CMC1: variants seen among roughly 807,000 people sequenced by gnomAD.
The protein encoded by CMC1 is COX assembly mitochondrial protein homolog.
In CMC1, 14 loss-of-function variants were observed where a neutral mutation model predicts 14.1. The observed-to-expected ratio is 0.99, with a 90% CI of 0.66 to 1.55. The LOEUF (loss-of-function observed/expected upper bound fraction) is 1.55. Among genes scored for constraint, CMC1 ranks in the 40% most tolerant of loss-of-function variants. The pLI, the probability that CMC1 is intolerant of heterozygous loss-of-function variation, is 0.00. For missense variants in CMC1, 127 were observed against 123.8 expected (o/e 1.03, Z -0.12); for synonymous variants, 50 against 38.4 (o/e 1.30, Z -1.12).
At chr3:28,305,655 A>G (rs1392919133) in intron 2 of CMC1, among the ~76,000 whole-genome samples, 2 of 151,908 alleles carry the variant, frequency 1.3e-5, no homozygotes, top group East Asian at 1.9e-4. Flanking sequence ...TTTCTTTTGC[A>G]GGGCAGAAGC....
intron 1 of CMC1, among the ~76,000 whole-genome samples, chr3:28,250,134 T>G (rs758511446): frequency 6.6e-6 from 1 of 152,148 alleles, no homozygotes; most frequent in East Asian, 1.9e-4. Context: ...ATTCAACATA[T>G]GAATTTGGAG....
rs1703110577 is a variant in CMC1, at chr3:28,319,489, T to C, written c.201-20T>C. 1.3e-6 allele frequency: 2 copies of C among 1,574,746 alleles called. No homozygotes were observed. Among genetic ancestry groups the C allele is most frequent in the Admixed American group, 1.8e-5 (1 of 56,772 alleles). Reference sequence around the variant, plus strand: ...ATGCAGGATTATTTACTTGAAAATATTTTCATTTCCTTCTCATAGCTATAA... The same window carrying C: ...ATGCAGGATTATTTACTTGAAAATACTTTCATTTCCTTCTCATAGCTATAA... On this transcript the variant is annotated intron_variant, in intron 3 of 3. Coordinates refer to ENST00000466830, the MANE Select transcript of CMC1 (RefSeq NM_182523.2).
chr3:28,245,068 G>A (rs1282311668), intron 1 of CMC1, among the ~76,000 whole-genome samples: 1 of 151,726 alleles, frequency 6.6e-6, no homozygotes, highest in Non-Finnish European at 1.5e-5. Flanking sequence ...TATTGAGTAA[G>A]TGAATAATAG....
At chr3:28,273,133 C>T (rs1700383830) in intron 2 of CMC1, among the ~76,000 whole-genome samples, 1 of 152,172 alleles carries the variant, frequency 6.6e-6, no homozygotes, top group Admixed American at 6.5e-5. Flanking sequence ...TAGAATTCAG[C>T]TCTAAAACCG....
intron 1 of CMC1, among the ~76,000 whole-genome samples, chr3:28,250,400 A>G (rs1699073476): frequency 6.6e-6 from 1 of 152,202 alleles, no homozygotes; most frequent in South Asian, 2.1e-4. Context: ...GAAGATGGAA[A>G]ATAAAGACTG....
intron 2 of CMC1, among the ~76,000 whole-genome samples, chr3:28,290,081 G>A (rs1408684803): frequency 6.6e-6 from 1 of 152,042 alleles, no homozygotes; most frequent in African/African-American, 2.4e-5. Context: ...GAACAGTATT[G>A]AGTGATTCCC....
At chr3:28,256,415 A>G (rs979720231) in intron 1 of CMC1, among the ~76,000 whole-genome samples, 7 of 152,126 alleles carry the variant, frequency 4.6e-5, no homozygotes, top group African/African-American at 1.4e-4. Context: ...AACTGATTGT[A>G]TTAGACCCAC....
intron 3 of CMC1, chr3:28,318,171 CCTCT>C (rs1489526855): frequency 6.6e-6 from 1 of 151,618 alleles, no homozygotes; most frequent in Non-Finnish European, 1.5e-5. Flanking sequence ...TAACTGCTAT[CCTCT>C]CTCATTTTGA....
chr3:28,314,154 C>T (rs1702773947), intron 2 of CMC1, among the ~76,000 whole-genome samples: 1 of 152,112 alleles, frequency 6.6e-6, no homozygotes, highest in Non-Finnish European at 1.5e-5. Context: ...GAGGATTGCC[C>T]ATGTCTTTTT....
intron 2 of CMC1, among the ~76,000 whole-genome samples, chr3:28,267,683 C>T (rs74865629): frequency 0.032 from 4,866 of 152,240 alleles, 114 homozygotes; most frequent in Non-Finnish European, 0.048. Flanking sequence ...TGATAAAATG[C>T]GCTCTTCTGT....
chr3:28,321,607 A>G lies in CMC1; in HGVS notation c.*1978A>G, dbSNP rs1703191225. The G allele has an allele frequency of 6.6e-6, 1 of 151,268 alleles. No homozygotes were observed. Among genetic ancestry groups the G allele is most frequent in the South Asian group, 2.1e-4 (1 of 4,822 alleles). The allele number at this position is 151,268 out of a possible 1,614,324, so 9.4% of individuals were successfully genotyped here. On this transcript the variant is annotated 3_prime_UTR_variant, in exon 4 of 4. Coordinates refer to ENST00000466830, the MANE Select transcript of CMC1 (RefSeq NM_182523.2). ...TATTATTCCCTGTTAATATGTGGTA[A>G]CCCACAGGTTTTTTACCCCTTAAGA...
chr3:28,264,840 C>T (rs1220405609), intron 2 of CMC1, among the ~76,000 whole-genome samples: 3 of 152,114 alleles, frequency 2.0e-5, no homozygotes, highest in African/African-American at 7.2e-5. Flanking sequence ...TGTGTGCTGT[C>T]ATGTAGCATA....
chr3:28,255,755 G>A (rs554861796), intron 1 of CMC1, among the ~76,000 whole-genome samples: 60 of 99,380 alleles, frequency 6.0e-4, no homozygotes, highest in East Asian at 4.2e-3. Flanking sequence ...ACACACACAC[G>A]CGACAGAGAT....
At chr3:28,246,224 A>T (rs1347697061) in intron 1 of CMC1, among the ~76,000 whole-genome samples, 5 of 152,208 alleles carry the variant, frequency 3.3e-5, no homozygotes, top group African/African-American at 1.2e-4. Context: ...TTGTATATTT[A>T]TAAATTAAAA....
intron 2 of CMC1, among the ~76,000 whole-genome samples, chr3:28,289,054 T>C (rs902618263): frequency 6.6e-6 from 1 of 151,632 alleles, no homozygotes; most frequent in African/African-American, 2.4e-5. Flanking sequence ...ATTTTCTTTT[T>C]ATTTTTTTGA....
chr3:28,263,091 C>T (rs988803773), intron 1 of CMC1, 200 bp from the exon 2 acceptor site: 71 of 490,792 alleles, frequency 1.4e-4, no homozygotes, highest in South Asian at 1.2e-3. Flanking sequence ...GCTTGTATTC[C>T]TCACATTTTT....
chr3:28,256,295 A>G (rs1436649423), intron 1 of CMC1, among the ~76,000 whole-genome samples: 1 of 152,108 alleles, frequency 6.6e-6, no homozygotes, highest in Non-Finnish European at 1.5e-5. Context: ...TGAAATGCAC[A>G]GGGCAGGCTG....
At chr3:28,296,301 G>A (rs1456204868) in intron 2 of CMC1, among the ~76,000 whole-genome samples, 1 of 151,888 alleles carries the variant, frequency 6.6e-6, no homozygotes, top group Non-Finnish European at 1.5e-5. Flanking sequence ...ATAACTTCCT[G>A]TTTGACATTA....
intron 1 of CMC1, among the ~76,000 whole-genome samples, chr3:28,257,982 ATT>A (rs1036643575): frequency 2.0e-5 from 3 of 150,104 alleles, no homozygotes. Flanking sequence ...ATTATTTTTA[ATT>A]TTAGTCATTC....
Sources: gnomAD v4.1 joint callset for allele counts (sites outside exome capture counted in the v4.1 genomes callset) on GRCh38, gnomAD v4.1.1 for gene constraint, MANE v1.5 for transcripts, NCBI Gene and HGNC (gene_info 2026-07-23, HGNC 2026-07-21) for gene names.